The following TMEM192 variants were observed in gnomAD, a reference collection of about 807,000 sequenced individuals.
TMEM192 encodes transmembrane protein 192.
TMEM192 carries 20 observed loss-of-function variants against 26.7 expected under a neutral mutation model. The ratio of observed to expected loss-of-function variants is 0.75; its 90% CI spans 0.53 to 1.09. The LOEUF (loss-of-function observed/expected upper bound fraction) is 1.09. Ranked by LOEUF, TMEM192 falls within the 50% of genes least tolerant of loss-of-function variation. The pLI, the probability that TMEM192 is intolerant of heterozygous loss-of-function variation, is 0.00. For synonymous variants in TMEM192, 124 were observed against 121.0 expected (o/e 1.02, Z -0.16); for missense variants, 304 against 322.6 (o/e 0.94, Z 0.44).
At chr4:165,094,173 T>C (rs1403545095) in intron 3 of TMEM192, among the ~76,000 whole-genome samples, 2 of 152,160 alleles carry the variant, frequency 1.3e-5, no homozygotes, top group Admixed American at 1.3e-4. Context: ...AGTGCTGGGA[T>C]TACAGGCGTG....
chr4:165,104,015 C>G (rs1289673619), intron 1 of TMEM192, among the ~76,000 whole-genome samples: 2 of 152,122 alleles, frequency 1.3e-5, no homozygotes, highest in East Asian at 1.9e-4. Flanking sequence ...TCCAGCTACT[C>G]GGGAGGCTGA....
At chr4:165,090,910 CAAAAA>C (rs70952700) in intron 3 of TMEM192, among the ~76,000 whole-genome samples, 2 of 51,020 alleles carry the variant, frequency 3.9e-5, no homozygotes, top group Admixed American at 3.6e-4. Flanking sequence ...GACTCTGTCT[CAAAAA>C]AAAAAAAAAA....
intron 1 of TMEM192, among the ~76,000 whole-genome samples, chr4:165,112,052 C>G (rs772153485): frequency 6.6e-4 from 100 of 152,360 alleles, no homozygotes; most frequent in Non-Finnish European, 1.2e-3. Flanking sequence ...GTACTATACA[C>G]GCTGTAAACT....
At chr4:165,106,258 G>C (rs559778304) in intron 1 of TMEM192, among the ~76,000 whole-genome samples, 60 of 152,274 alleles carry the variant, frequency 3.9e-4, no homozygotes, top group Admixed American at 8.5e-4. Flanking sequence ...TCCTAAACCT[G>C]TTATTTCCTC....
intron 2 of TMEM192, 65 bp from the exon 3 acceptor site, chr4:165,100,957 T>C: frequency 6.3e-6 from 6 of 947,018 alleles, no homozygotes; most frequent in Non-Finnish European, 9.2e-6. Flanking sequence ...ATAACTACCA[T>C]CCCAGCATAC....
chr4:165,084,035 T>C (rs1258416365), intron 5 of TMEM192, among the ~76,000 whole-genome samples: 1 of 152,004 alleles, frequency 6.6e-6, no homozygotes, highest in Non-Finnish European at 1.5e-5. Flanking sequence ...TTGGTCAGGC[T>C]GGACTCAAAC....
At chr4:165,100,455 G>A (rs1362504016) in intron 3 of TMEM192, among the ~76,000 whole-genome samples, 173 bp downstream of exon 3, 2 of 152,136 alleles carry the variant, frequency 1.3e-5, no homozygotes, top group Non-Finnish European at 2.9e-5. Flanking sequence ...ACCGCACCCG[G>A]CCAAGAAAAG....
rs1435933430 is a variant in TMEM192, at chr4:165,078,593, G to A, written c.*1065C>T. On this transcript the variant is annotated 3_prime_UTR_variant, in exon 6 of 6. Transcript: ENST00000306480. ...AATTGAAGTTATTGATCAATTGAAGGTATAACCAGACTGAAATATACAGCA... is the reference window on the plus strand; with the variant it reads ...AATTGAAGTTATTGATCAATTGAAGATATAACCAGACTGAAATATACAGCA... 6.6e-6 allele frequency: 1 copy of A among 152,096 alleles called. No homozygotes were observed. 9.4% of individuals were successfully genotyped at this position (152,096 alleles called of 1,614,324 possible).
At chr4:165,087,888 A>G (rs1212065951) in intron 4 of TMEM192, among the ~76,000 whole-genome samples, 1 of 152,102 alleles carries the variant, frequency 6.6e-6, no homozygotes, top group African/African-American at 2.4e-5. Context: ...GCCTTCAGAG[A>G]AGCAAAAGTT....
At chr4:165,112,706 C>T (rs1044822091) in intron 1 of TMEM192, 41 bp downstream of exon 1, 3 of 1,607,548 alleles carry the variant, frequency 1.9e-6, no homozygotes, top group African/African-American at 1.3e-5. Context: ...CAAGAAAAAG[C>T]GGATTCCGGG....
At chr4:165,104,318 A>G (rs959505080) in intron 1 of TMEM192, among the ~76,000 whole-genome samples, 4 of 152,220 alleles carry the variant, frequency 2.6e-5, no homozygotes, top group African/African-American at 9.6e-5. Flanking sequence ...TGAGACAGAA[A>G]TGAAGGATTC....
chr4:165,100,316 C>A (rs796945044), intron 3 of TMEM192, among the ~76,000 whole-genome samples: 6 of 152,056 alleles, frequency 3.9e-5, no homozygotes, highest in South Asian at 2.1e-4. Flanking sequence ...TGCACCACCA[C>A]GCCCAGCTAA....
intron 1 of TMEM192, among the ~76,000 whole-genome samples, chr4:165,108,061 C>T (rs1328213522): frequency 1.3e-5 from 2 of 150,738 alleles, no homozygotes; most frequent in Non-Finnish European, 2.9e-5. Flanking sequence ...TTATTGGATG[C>T]CAGATATTGC....
intron 3 of TMEM192, among the ~76,000 whole-genome samples, chr4:165,090,910 C>CAAAAAAAAAAAAAAAA (rs70952700): frequency 2.0e-5 from 1 of 51,022 alleles, no homozygotes. Flanking sequence ...GACTCTGTCT[C>CAAAAAAAAAAAAAAAA]AAAAAAAAAA....
intron 2 of TMEM192, 101 bp downstream of exon 2, chr4:165,102,849 T>A: frequency 9.2e-7 from 1 of 1,084,870 alleles, no homozygotes; most frequent in Non-Finnish European, 1.2e-6. Context: ...GTGCCCTACA[T>A]TTTAAATGTT....
rs544166748 is a variant in TMEM192 at position 165,112,827 on chromosome 4, T to C, written c.-54A>G. On this transcript the variant is annotated 5_prime_UTR_variant, in exon 1 of 6. Coordinates refer to ENST00000306480, the MANE Select transcript of TMEM192 (RefSeq NM_001100389.2). ...CCAGCCCGGCCTCTCCACCTGGACC[T>C]GTAAGCCTCTGGCCGCGAAACTCGC... is the stretch of plus-strand genomic sequence containing the variant. The C allele has an allele frequency of 5.0e-6, 8 of 1,586,524 alleles. No homozygotes were observed. In the East Asian group the frequency reaches 6.9e-5, roughly 14 times the overall value.
At position 165,078,977 on chromosome 4, in the gene TMEM192, G is replaced by A. The variant is rs1044070246; in HGVS notation, c.*681C>T. 2.6e-5 allele frequency: 4 copies of A among 152,158 alleles called. No homozygotes were observed. Among genetic ancestry groups the A allele is most frequent in the African/African-American group, 9.7e-5 (4 of 41,434 alleles). The allele number at this position is 152,158 out of a possible 1,614,324, so 9.4% of individuals were successfully genotyped here. A position where few individuals can be genotyped will look rare whatever the true frequency, so the allele number is the denominator to read the frequency against. On this transcript the variant is annotated 3_prime_UTR_variant, in exon 6 of 6. Coordinates refer to ENST00000306480, the MANE Select transcript of TMEM192 (RefSeq NM_001100389.2). ...GCTAATTTTTTTTGTATTTTTAGTA[G>A]AGACAGGGTTTCACCGTGTTAGCCA...
At chr4:165,086,104 C>A (rs1420809689) in intron 4 of TMEM192, among the ~76,000 whole-genome samples, 1 of 152,102 alleles carries the variant, frequency 6.6e-6, no homozygotes, top group Non-Finnish European at 1.5e-5. Flanking sequence ...ATGGAAAGTA[C>A]CTTCAATAGA....
At position 165,079,609 on chromosome 4, in the gene TMEM192, C is replaced by T. The variant is rs980025441; in HGVS notation, c.*49G>A. On this transcript the variant is annotated 3_prime_UTR_variant, in exon 6 of 6. Coordinates refer to ENST00000306480, the MANE Select transcript of TMEM192 (RefSeq NM_001100389.2). Reference sequence around the variant, plus strand: ...GCAGCTTGTCAGGTGGTCAGTCAGTCTCAATTACTCTGGGTTCCTCTGCAA... The same window carrying T: ...GCAGCTTGTCAGGTGGTCAGTCAGTTTCAATTACTCTGGGTTCCTCTGCAA... The T allele has an allele frequency of 4.5e-6, 7 of 1,558,590 alleles. No individual in the cohort carries two copies. The Admixed American group carries it at 1.3e-4, about 29-fold the overall frequency.
Sources: allele counts gnomAD v4.1 joint callset (sites outside exome capture counted in the v4.1 genomes callset), GRCh38; gene constraint gnomAD v4.1.1; transcripts MANE v1.5; gene names NCBI Gene and HGNC (gene_info 2026-07-23, HGNC 2026-07-21).